FOCAD: variants seen among roughly 807,000 people sequenced by gnomAD.
The protein encoded by FOCAD is focadhesin, also known as KIAA1797.
FOCAD carries 198 observed loss-of-function variants against 225.6 expected under a neutral mutation model. That is an observed-to-expected ratio of 0.88 (90% CI 0.78 to 0.99). The LOEUF is 0.99. Among genes scored for constraint, FOCAD ranks in the 50% least tolerant of loss-of-function variants. FOCAD has a pLI of 0.00. For missense variants in FOCAD, 2,713 were observed against 2,123.6 expected (o/e 1.28, Z -5.46); for synonymous variants, 897 against 755.0 (o/e 1.19, Z -3.08).
At chr9:20,822,939 A>T in intron 14 of FOCAD, 50 bp from the exon 15 acceptor site, 1 of 1,520,276 alleles carries the variant, frequency 6.6e-7, no homozygotes, top group Non-Finnish European at 8.8e-7. Flanking sequence ...TCTGGGAGTG[A>T]TAACTGCACT....
chr9:20,864,117 A>T (rs1247396752), intron 16 of FOCAD, among the ~76,000 whole-genome samples: 5 of 152,076 alleles, frequency 3.3e-5, no homozygotes, highest in Non-Finnish European at 1.5e-5. Flanking sequence ...AGAAATGTAG[A>T]AGGGAGAGAC....
intron 4 of FOCAD, among the ~76,000 whole-genome samples, chr9:20,724,873 T>A (rs1433235661): frequency 6.6e-6 from 1 of 152,090 alleles, no homozygotes; most frequent in Non-Finnish European, 1.5e-5. Context: ...CTTTGGGACT[T>A]AAAGGCAAGA....
intron 5 of FOCAD, among the ~76,000 whole-genome samples, chr9:20,749,093 G>C (rs911569038): frequency 7.9e-5 from 12 of 152,002 alleles, no homozygotes; most frequent in African/African-American, 2.7e-4. Flanking sequence ...GTACATTTAT[G>C]TTTCCCCCCA....
intron 15 of FOCAD, among the ~76,000 whole-genome samples, chr9:20,828,360 A>G (rs188611396): frequency 3.3e-5 from 5 of 152,072 alleles, no homozygotes; most frequent in African/African-American, 7.2e-5. Flanking sequence ...GATTGTTTCT[A>G]TTTTTGGCTA....
At chr9:20,901,966 T>G (rs1234119143) in intron 21 of FOCAD, among the ~76,000 whole-genome samples, 3 of 151,948 alleles carry the variant, frequency 2.0e-5, no homozygotes, top group Non-Finnish European at 4.4e-5. Flanking sequence ...AGTTTTAAAT[T>G]TTGTGTTTCC....
intron 35 of FOCAD, among the ~76,000 whole-genome samples, chr9:20,972,356 C>G (rs1212111339): frequency 6.6e-6 from 1 of 152,062 alleles, no homozygotes; most frequent in African/African-American, 2.4e-5. Context: ...GCTGATATCT[C>G]ATTGTGGTTT....
At position 20,803,828 on chromosome 9, in the gene FOCAD, T is replaced by C. The variant is rs186829062; in HGVS notation, c.1455+14220T>C. On this transcript the variant is annotated intron_variant, in intron 11 of 43. Transcript: ENST00000338382. ...GAAGGAGTGCTGACATTGCTCCCTA[T>C]GGTGAGCAGATTCAGAGATGGAAGT... Among the ~76,000 whole-genome samples, 456 of 152,232 alleles carry C rather than the reference T, an allele frequency of 3.0e-3. 4 individuals carry two copies. The highest frequency in any genetic ancestry group is 0.011 in the African/African-American group (442 of 41,564).
At chr9:20,978,698 A>G (rs1840424438) in intron 37 of FOCAD, among the ~76,000 whole-genome samples, 1 of 152,210 alleles carries the variant, frequency 6.6e-6, no homozygotes, top group African/African-American at 2.4e-5. Flanking sequence ...ATGATCAGAG[A>G]TATTAAAGTT....
At chr9:20,688,632 GAA>G (rs1463051662) in intron 1 of FOCAD, among the ~76,000 whole-genome samples, 2 of 148,326 alleles carry the variant, frequency 1.3e-5, no homozygotes, top group Non-Finnish European at 2.9e-5. Flanking sequence ...TGTAGAATAA[GAA>G]AGAATAAAGC....
intron 19 of FOCAD, among the ~76,000 whole-genome samples, chr9:20,876,211 C>G (rs1277567543): frequency 6.6e-6 from 1 of 152,164 alleles, no homozygotes; most frequent in Non-Finnish European, 1.5e-5. Flanking sequence ...CACTCTTCCT[C>G]TCTTCTGTTC....
chr9:20,695,042 C>T (rs1318123791), intron 1 of FOCAD, among the ~76,000 whole-genome samples: 4 of 152,152 alleles, frequency 2.6e-5, no homozygotes, highest in South Asian at 2.1e-4. Context: ...TTGGAGAAAC[C>T]GAGTACTTTG....
At chr9:20,989,395 A>T (rs954408002) in intron 41 of FOCAD, among the ~76,000 whole-genome samples, 7 of 152,374 alleles carry the variant, frequency 4.6e-5, no homozygotes, top group African/African-American at 1.7e-4. Context: ...GAAAATACAG[A>T]TAAGCAGAAA....
chr9:20,679,184 G>A (rs1051863156), intron 2 of FOCAD, among the ~76,000 whole-genome samples: 5 of 150,226 alleles, frequency 3.3e-5, no homozygotes, highest in African/African-American at 1.2e-4. Flanking sequence ...GGGGATGGAG[G>A]TGTGTGGTGC....
At position 20,820,353 on chromosome 9, in the gene FOCAD, A is replaced by G. The variant is rs142732301; in HGVS notation, c.1590A>G (p.Ile530Met). The G allele has an allele frequency of 1.8e-5, 29 of 1,612,614 alleles. No individual in the cohort carries two copies. The African/African-American group carries it at 3.1e-4, about 17-fold the overall frequency. The change falls in exon 13 of 44, where the codon ATA becomes ATG. Residue 530 changes from isoleucine to methionine, a missense_variant. Physicochemically the swap from Ile to Met is conservative, Grantham distance 10 (BLOSUM62 1). Transcript: ENST00000338382. Reference protein sequence around the residue: ...KVCIGQILRIIQLLGTTPRLR... With the variant: ...KVCIGQILRIMQLLGTTPRLR... ...GTATAGGACAAATTCTACGAATAAT[A>G]CAACTACTTGGAACCACACCACGAC...
At chr9:20,901,192 ATGTGTGTGTGTGTGTGTGTG>A (rs71334562) in intron 21 of FOCAD, among the ~76,000 whole-genome samples, 7 of 105,758 alleles carry the variant, frequency 6.6e-5, no homozygotes, top group South Asian at 3.0e-4. Context: ...TGTGGAAACA[ATGTGTGTGTGTGTGTGTGTG>A]TGTGTGTGTG....
At chr9:20,831,896 C>T (rs1181513608) in intron 15 of FOCAD, among the ~76,000 whole-genome samples, 2 of 152,094 alleles carry the variant, frequency 1.3e-5, no homozygotes, top group African/African-American at 2.4e-5. Flanking sequence ...CAGCAATCTA[C>T]TTTCCGTCTG....
At chr9:20,829,681 G>C (rs996114984) in intron 15 of FOCAD, among the ~76,000 whole-genome samples, 9 of 152,050 alleles carry the variant, frequency 5.9e-5, no homozygotes, top group African/African-American at 1.9e-4. Context: ...AGCTTGGTTT[G>C]TGGGCCTTTC....
chr9:20,944,335 T>A (rs753956827), intron 28 of FOCAD, among the ~76,000 whole-genome samples: 3 of 152,230 alleles, frequency 2.0e-5, no homozygotes, highest in Non-Finnish European at 2.9e-5. Context: ...TGCCTTTTCC[T>A]CTTCTCACCC....
At chr9:20,750,572 T>G (rs1225636095) in intron 5 of FOCAD, among the ~76,000 whole-genome samples, 1 of 152,128 alleles carries the variant, frequency 6.6e-6, no homozygotes, top group Non-Finnish European at 1.5e-5. Context: ...TAGAGACCAA[T>G]GAAGGGTGAC....
Sources: allele counts gnomAD v4.1 joint callset (sites outside exome capture counted in the v4.1 genomes callset), GRCh38; gene constraint gnomAD v4.1.1; transcripts MANE v1.5; gene names NCBI Gene and HGNC (gene_info 2026-07-23, HGNC 2026-07-21).